The following DHX15 variants were observed in gnomAD, a reference collection of about 807,000 sequenced individuals.
The protein encoded by DHX15 is ATP-dependent RNA helicase DHX15.
A neutral mutation model predicts 94.4 loss-of-function variants in DHX15; 11 were observed. That is an observed-to-expected ratio of 0.12 (90% CI 0.07 to 0.19). DHX15 has a LOEUF of 0.19. Among genes scored for constraint, DHX15 ranks in the 10% least tolerant of loss-of-function variants. The pLI, the probability that DHX15 is intolerant of heterozygous loss-of-function variation, is 1.00. For synonymous variants in DHX15, 338 were observed against 329.9 expected, an observed-to-expected ratio of 1.02 and a Z score of -0.27; for missense variants, 304 against 988.5, an observed-to-expected ratio of 0.31 and a Z score of 9.29.
At chr4:24,528,140 C>A in intron 13 of DHX15, 99 bp from the exon 14 acceptor site, 2 of 707,164 alleles carry the variant, frequency 2.8e-6, no homozygotes, top group Non-Finnish European at 4.8e-6. Flanking sequence ...ACTGATGAAC[C>A]AAGGCAAATC....
chr4:24,547,013 T>C (rs1721440002), intron 6 of DHX15, among the ~76,000 whole-genome samples: 1 of 152,210 alleles, frequency 6.6e-6, no homozygotes, highest in South Asian at 2.1e-4. Flanking sequence ...CAGGCTTGTA[T>C]GAAAACTTTA....
intron 5 of DHX15, among the ~76,000 whole-genome samples, chr4:24,550,772 T>C (rs541642790): frequency 2.6e-5 from 4 of 152,330 alleles, no homozygotes; most frequent in African/African-American, 9.6e-5. Context: ...AAAATAATGA[T>C]AAAACATGTA....
chr4:24,547,876 T>G (rs1721460178), intron 6 of DHX15, among the ~76,000 whole-genome samples: 1 of 88,636 alleles, frequency 1.1e-5, no homozygotes, highest in Non-Finnish European at 2.5e-5. Context: ...TCTCTCTCTC[T>G]CTCTCTCTCT....
intron 5 of DHX15, among the ~76,000 whole-genome samples, chr4:24,552,831 C>T (rs1050319934): frequency 4.6e-5 from 7 of 152,188 alleles, no homozygotes; most frequent in African/African-American, 1.7e-4. Flanking sequence ...ATGAAAGACA[C>T]TCTAGCATAC....
At chr4:24,574,762 G>C (rs983828889) in intron 2 of DHX15, among the ~76,000 whole-genome samples, 3 of 152,118 alleles carry the variant, frequency 2.0e-5, no homozygotes, top group Admixed American at 1.3e-4. Context: ...ACGTAAATGA[G>C]CTAATACATG....
In DHX15 at chr4:24,582,231, T is replaced by G. The variant is rs542304238; in HGVS notation, c.71+2092A>C. 2.6e-5 allele frequency among the ~76,000 whole-genome samples: 4 copies of G among 152,330 alleles called. No individual in the cohort carries two copies. The South Asian group carries it at 8.3e-4, about 32-fold the overall frequency. On this transcript the variant is annotated intron_variant, in intron 1 of 13. Coordinates refer to ENST00000336812, the MANE Select transcript of DHX15 (RefSeq NM_001358.3). Reference sequence around the variant, plus strand: ...ATGACATAGAAATGAGTATAAAAACTTCCCTCTACTATTTCTTATAACTTG... The same window carrying G: ...ATGACATAGAAATGAGTATAAAAACGTCCCTCTACTATTTCTTATAACTTG...
In DHX15 at chr4:24,528,498, A is replaced by C. The variant is rs545729058; in HGVS notation, c.2271-457T>G. ...TACACTTGACTGAAATCTTTTATAA[A>C]GTTTAGCTATATAATTTTTTTCTCA... On this transcript the variant is annotated intron_variant, in intron 13 of 13. Coordinates refer to ENST00000336812, the MANE Select transcript of DHX15 (RefSeq NM_001358.3). 2.7e-4 allele frequency among the ~76,000 whole-genome samples: 41 copies of C among 152,336 alleles called. 1 individual carries two copies. The highest frequency in any genetic ancestry group is 7.4e-5 in the Non-Finnish European group (5 of 68,026).
At chr4:24,560,428 C>A (rs1480482595) in intron 3 of DHX15, among the ~76,000 whole-genome samples, 1 of 143,902 alleles carries the variant, frequency 6.9e-6, no homozygotes, top group Non-Finnish European at 1.6e-5. Flanking sequence ...TAAACCAACA[C>A]TGGGCAGGGT....
chr4:24,550,111 A>AAAAAAAAAAAAAAAAAAAAAAAC (rs1721558713), intron 5 of DHX15, among the ~76,000 whole-genome samples: 1 of 147,012 alleles, frequency 6.8e-6, no homozygotes, highest in Non-Finnish European at 1.5e-5. Flanking sequence ...AAAAAAAAAA[A>AAAAAAAAAAAAAAAAAAAAAAAC]AAAAAAAAAA....
At chr4:24,547,474 G>A (rs1283915007) in intron 6 of DHX15, among the ~76,000 whole-genome samples, 2 of 152,112 alleles carry the variant, frequency 1.3e-5, no homozygotes, top group Admixed American at 1.3e-4. Context: ...TGTAACTGTA[G>A]TAAATATGGG....
chr4:24,582,657 T>A (rs192080608), intron 1 of DHX15, among the ~76,000 whole-genome samples: 3 of 152,332 alleles, frequency 2.0e-5, no homozygotes, highest in Non-Finnish European at 4.4e-5. Flanking sequence ...AGTACTGAAC[T>A]GTGTGCTGCT....
intron 3 of DHX15, among the ~76,000 whole-genome samples, chr4:24,558,375 T>A (rs1721788000): frequency 6.6e-6 from 1 of 152,162 alleles, no homozygotes; most frequent in Non-Finnish European, 1.5e-5. Context: ...GTTTTAAAAG[T>A]CACCTTCTTT....
chr4:24,577,154 TAC>T (rs1477038557), intron 1 of DHX15, among the ~76,000 whole-genome samples: 1 of 152,234 alleles, frequency 6.6e-6, no homozygotes, highest in Non-Finnish European at 1.5e-5. Context: ...CTCACATCAT[TAC>T]AGTCAACAGT....
At chr4:24,566,705 A>G (rs529377344) in intron 3 of DHX15, among the ~76,000 whole-genome samples, 50 of 152,278 alleles carry the variant, frequency 3.3e-4, no homozygotes, top group South Asian at 6.2e-4. Context: ...ACACGCCTGT[A>G]ATCTCAGCTA....
At chr4:24,530,145 G>A (rs1721045209) in intron 12 of DHX15, 2 of 283,048 alleles carry the variant, frequency 7.1e-6, no homozygotes, top group East Asian at 2.3e-4. Context: ...TCCAAGAGCA[G>A]GCAGTGTTAG....
At chr4:24,547,903 G>GTGTATATATA (rs1721469206) in intron 6 of DHX15, among the ~76,000 whole-genome samples, 3 of 70,728 alleles carry the variant, frequency 4.2e-5, no homozygotes, top group African/African-American at 1.8e-4. Context: ...GTATGTATGT[G>GTGTATATATA]TATATATATA....
intron 5 of DHX15, among the ~76,000 whole-genome samples, chr4:24,550,598 C>T (rs1415052311): frequency 1.3e-5 from 2 of 152,172 alleles, no homozygotes; most frequent in Non-Finnish European, 2.9e-5. Context: ...ATATCACTAT[C>T]TTCCACCTTA....
chr4:24,578,224 C>A (rs1215286545), intron 1 of DHX15, among the ~76,000 whole-genome samples: 1 of 152,178 alleles, frequency 6.6e-6, no homozygotes, highest in Admixed American at 6.5e-5. Flanking sequence ...TGAAGTCTCA[C>A]AATTCAATAC....
intron 3 of DHX15, among the ~76,000 whole-genome samples, chr4:24,565,787 G>A (rs562277748): frequency 4.5e-4 from 69 of 152,286 alleles, no homozygotes; most frequent in African/African-American, 1.4e-3. Flanking sequence ...CAGCAATGCT[G>A]ACTGATGCAC....
Sources: allele counts gnomAD v4.1 joint callset (sites outside exome capture counted in the v4.1 genomes callset), GRCh38; gene constraint gnomAD v4.1.1; transcripts MANE v1.5; gene names NCBI Gene and HGNC (gene_info 2026-07-23, HGNC 2026-07-21).